CTNNA2: variants seen among roughly 807,000 people sequenced by gnomAD.
CTNNA2 encodes catenin alpha 2.
A neutral mutation model predicts 101.0 loss-of-function variants in CTNNA2; 42 were observed. That is an observed-to-expected ratio of 0.42 (90% CI 0.32 to 0.54). CTNNA2 has a LOEUF of 0.54. Among genes scored for constraint, CTNNA2 ranks in the 20% least tolerant of loss-of-function variants. CTNNA2 has a pLI of 0.14. For missense variants in CTNNA2, 871 were observed against 1,223.1 expected, an observed-to-expected ratio of 0.71 and a Z score of 4.29; for synonymous variants, 450 against 456.4, an observed-to-expected ratio of 0.99 and a Z score of 0.18.
chr2:79,948,432 T>A (rs1688647623), intron 7 of CTNNA2, among the ~76,000 whole-genome samples: 1 of 152,224 alleles, frequency 6.6e-6, no homozygotes, highest in African/African-American at 2.4e-5. Flanking sequence ...ATTCCTTATC[T>A]ATAAAATGGG....
chr2:80,406,513 A>G (rs1439408858), intron 8 of CTNNA2, among the ~76,000 whole-genome samples: 2 of 151,672 alleles, frequency 1.3e-5, no homozygotes, highest in African/African-American at 4.8e-5. Context: ...GGCTGTATCT[A>G]TAGATACCAA....
chr2:79,810,368 A>G (rs1456334670), intron 3 of CTNNA2, among the ~76,000 whole-genome samples: 1 of 152,054 alleles, frequency 6.6e-6, no homozygotes, highest in African/African-American at 2.4e-5. Flanking sequence ...CTTATTGACT[A>G]CTACTAGGAG....
At chr2:79,904,102 A>G (rs899610583) in intron 6 of CTNNA2, among the ~76,000 whole-genome samples, 16 of 152,128 alleles carry the variant, frequency 1.1e-4, no homozygotes, top group African/African-American at 3.4e-4. Flanking sequence ...TGCTTGGCCA[A>G]CCGCTTTTCA....
intron 7 of CTNNA2, among the ~76,000 whole-genome samples, chr2:80,392,176 C>T (rs1325467530): frequency 6.6e-6 from 1 of 152,052 alleles, no homozygotes. Flanking sequence ...ATCATGTTAT[C>T]CCATTAGGCA....
At chr2:79,939,364 T>C (rs1687995889) in intron 7 of CTNNA2, among the ~76,000 whole-genome samples, 1 of 152,232 alleles carries the variant, frequency 6.6e-6, no homozygotes, top group South Asian at 2.1e-4. Context: ...CCGCAGTATT[T>C]ACCTGTTTAC....
intron 7 of CTNNA2, among the ~76,000 whole-genome samples, chr2:80,235,167 A>G (rs1709478932): frequency 6.6e-6 from 1 of 152,176 alleles, no homozygotes; most frequent in Admixed American, 6.5e-5. Context: ...TACTTTAATA[A>G]TATTTTAAAT....
chr2:80,369,481 A>T lies in CTNNA2; in HGVS notation c.1057-23730A>T, dbSNP rs187812977. On this transcript the variant is annotated intron_variant, in intron 7 of 18. Transcript: ENST00000402739. Reference sequence around the variant, plus strand: ...CTGCCTTATTCTTTGTAAAAGTGAAATATTGAAATTGTGGTAGGCAGAAAA... The same window carrying T: ...CTGCCTTATTCTTTGTAAAAGTGAATTATTGAAATTGTGGTAGGCAGAAAA... 2.6e-5 allele frequency among the ~76,000 whole-genome samples: 4 copies of T among 152,264 alleles called. No individual in the cohort carries two copies. In the East Asian group the frequency reaches 7.7e-4, roughly 29 times the overall value.
intron 7 of CTNNA2, among the ~76,000 whole-genome samples, chr2:80,250,760 C>G (rs1384320846): frequency 6.6e-6 from 1 of 152,114 alleles, no homozygotes; most frequent in Non-Finnish European, 1.5e-5. Context: ...ACTTCTAGTT[C>G]TGGCTCTAGC....
chr2:79,264,026 A>G (rs1022232644), intron 2 of CTNNA2, among the ~76,000 whole-genome samples: 1 of 152,214 alleles, frequency 6.6e-6, no homozygotes, highest in Admixed American at 6.5e-5. Context: ...GCAAATCTTT[A>G]TTATTGTTGA....
At chr2:79,726,158 T>C (rs1430176241) in intron 2 of CTNNA2, among the ~76,000 whole-genome samples, 1 of 152,224 alleles carries the variant, frequency 6.6e-6, no homozygotes, top group Non-Finnish European at 1.5e-5. Flanking sequence ...TAGAAAACAC[T>C]GAAATGGACT....
At chr2:79,776,358 G>A (rs1673964439) in intron 3 of CTNNA2, among the ~76,000 whole-genome samples, 1 of 152,078 alleles carries the variant, frequency 6.6e-6, no homozygotes, top group Non-Finnish European at 1.5e-5. Context: ...TACCACCAAA[G>A]CAATATCCAT....
In CTNNA2 at chr2:80,260,844, G is replaced by T. The variant is rs539982835; in HGVS notation, c.1057-132367G>T. Among the ~76,000 whole-genome samples the T allele has an allele frequency of 4.4e-4, 67 of 152,334 alleles. 1 individual carries two copies. Among genetic ancestry groups the T allele is most frequent in the Non-Finnish European group, 2.6e-4 (18 of 68,032 alleles). ...ATTCGTAATTGAATTAAGCATTTGA[G>T]GATGTATTCTTTGAGTTGTACATTT... On this transcript the variant is annotated intron_variant, in intron 7 of 18. Transcript: ENST00000402739.
chr2:79,714,273 A>G (rs1487569475), intron 2 of CTNNA2, among the ~76,000 whole-genome samples: 2 of 152,058 alleles, frequency 1.3e-5, no homozygotes, highest in African/African-American at 4.8e-5. Context: ...ACACTTAACA[A>G]TTATTGAGAT....
intron 1 of CTNNA2, among the ~76,000 whole-genome samples, chr2:79,642,518 G>A (rs1680515453): frequency 1.3e-5 from 2 of 152,116 alleles, no homozygotes; most frequent in African/African-American, 4.8e-5. Flanking sequence ...ACACTACCTC[G>A]TTATAGTCAA....
At chr2:79,552,607 G>A (rs1033085120) in intron 1 of CTNNA2, among the ~76,000 whole-genome samples, 1 of 152,092 alleles carries the variant, frequency 6.6e-6, no homozygotes. Context: ...CTGGACATCC[G>A]GGCATTTCCA....
chr2:79,397,338 G>T (rs1678243869), intron 4 of CTNNA2, among the ~76,000 whole-genome samples: 1 of 151,688 alleles, frequency 6.6e-6, no homozygotes, highest in South Asian at 2.1e-4. Flanking sequence ...CTGTATTTTG[G>T]TACCCCTTAA....
At chr2:79,841,627 A>T (rs1679823176) in intron 3 of CTNNA2, among the ~76,000 whole-genome samples, 1 of 152,230 alleles carries the variant, frequency 6.6e-6, no homozygotes, top group Non-Finnish European at 1.5e-5. Flanking sequence ...GATGATGAAT[A>T]ATTTCTCATT....
At chr2:80,248,734 G>T (rs917065465) in intron 7 of CTNNA2, among the ~76,000 whole-genome samples, 7 of 152,084 alleles carry the variant, frequency 4.6e-5, no homozygotes, top group African/African-American at 7.2e-5. Context: ...TGCCACTGTG[G>T]GTGGTAGCAA....
chr2:79,484,062 G>A (rs1226433319), intron 4 of CTNNA2, among the ~76,000 whole-genome samples: 1 of 151,952 alleles, frequency 6.6e-6, no homozygotes, highest in Non-Finnish European at 1.5e-5. Context: ...GGGCCACGAG[G>A]CAAAACCCTA....
Sources: allele counts gnomAD v4.1 joint callset (sites outside exome capture counted in the v4.1 genomes callset), GRCh38; gene constraint gnomAD v4.1.1; transcripts MANE v1.5; gene names NCBI Gene and HGNC (gene_info 2026-07-23, HGNC 2026-07-21).